The following SMAP1 variants were observed in gnomAD, a reference collection of about 807,000 sequenced individuals.
SMAP1 encodes stromal membrane-associated protein 1.
Under a neutral mutation model 58.5 loss-of-function variants are expected in SMAP1, and 24 were observed. That is an observed-to-expected ratio of 0.41 (90% CI 0.30 to 0.58). SMAP1 has a LOEUF of 0.58. Among genes scored for constraint, SMAP1 ranks in the 20% least tolerant of loss-of-function variants. The pLI, the probability that SMAP1 is intolerant of heterozygous loss-of-function variation, is 0.29. For missense variants in SMAP1, 563 were observed against 566.3 expected, an observed-to-expected ratio of 0.99 and a Z score of 0.06; for synonymous variants, 216 against 196.6, an observed-to-expected ratio of 1.10 and a Z score of -0.82.
chr6:70,710,331 A>T (rs1435743268), intron 1 of SMAP1, among the ~76,000 whole-genome samples: 2 of 151,900 alleles, frequency 1.3e-5, no homozygotes, highest in Non-Finnish European at 2.9e-5. Context: ...TCTCTACTAA[A>T]AATACAAAAA....
intron 5 of SMAP1, 142 bp from the exon 6 acceptor site, chr6:70,798,515 A>C (rs1391943981): frequency 3.5e-6 from 2 of 573,772 alleles, no homozygotes; most frequent in African/African-American, 1.9e-5. Context: ...TTTACTGTTT[A>C]TTATATTTCA....
intron 1 of SMAP1, among the ~76,000 whole-genome samples, chr6:70,689,377 G>A (rs979996413): frequency 1.3e-5 from 2 of 152,164 alleles, no homozygotes; most frequent in Non-Finnish European, 2.9e-5. Context: ...AATTGACCAT[G>A]TATGTCCAGG....
At chr6:70,834,648 A>G (rs1562193413) in intron 6 of SMAP1, among the ~76,000 whole-genome samples, 1 of 152,208 alleles carries the variant, frequency 6.6e-6, no homozygotes, top group African/African-American at 2.4e-5. Flanking sequence ...CACCCCAGGA[A>G]GCTGCTAGGA....
At chr6:70,836,409 C>T (rs949062645) in intron 6 of SMAP1, among the ~76,000 whole-genome samples, 1 of 152,088 alleles carries the variant, frequency 6.6e-6, no homozygotes, top group Non-Finnish European at 1.5e-5. Context: ...TCCCACAACA[C>T]ATGGGAATTA....
intron 4 of SMAP1, among the ~76,000 whole-genome samples, chr6:70,791,404 A>G (rs1468421033): frequency 1.3e-5 from 2 of 152,272 alleles, no homozygotes; most frequent in South Asian, 2.1e-4. Context: ...ATTATTTTCC[A>G]TATACTTTTG....
intron 3 of SMAP1, among the ~76,000 whole-genome samples, chr6:70,761,739 A>G (rs1202935544): frequency 1.3e-5 from 2 of 152,072 alleles, no homozygotes; most frequent in Middle Eastern, 3.2e-3. Flanking sequence ...TTTAGATACT[A>G]TTGGCTTATT....
chr6:70,742,777 A>T (rs1245366195), intron 2 of SMAP1, among the ~76,000 whole-genome samples: 2 of 152,238 alleles, frequency 1.3e-5, no homozygotes, highest in Non-Finnish European at 2.9e-5. Flanking sequence ...TAATGGACTC[A>T]CAGTTTCACA....
chr6:70,746,048 C>A (rs1281858592), intron 2 of SMAP1, among the ~76,000 whole-genome samples: 1 of 152,110 alleles, frequency 6.6e-6, no homozygotes, highest in Admixed American at 6.5e-5. Context: ...GCTGAAGTTG[C>A]TTATCATCTT....
At chr6:70,857,713 A>G (rs1771491242) in intron 9 of SMAP1, 1 of 568,050 alleles carries the variant, frequency 1.8e-6, no homozygotes, top group Admixed American at 3.2e-5. Context: ...AATTAAATTT[A>G]CTCAGGTTAA....
intron 6 of SMAP1, among the ~76,000 whole-genome samples, chr6:70,810,637 T>C (rs1235086578): frequency 1.3e-5 from 2 of 152,176 alleles, no homozygotes; most frequent in African/African-American, 4.8e-5. Flanking sequence ...AGGGCAGTGG[T>C]GTGATCATAG....
rs1217773182 is a variant in SMAP1, at chr6:70,755,381, G to T, written c.338+316G>T. On this transcript the variant is annotated intron_variant, in intron 3 of 10. Transcript: ENST00000370455. ...ATGGTGAGAAAGCAGTATGCGTTTG[G>T]TAGAAACTGTACTTTGAGTACTAGT... 1.3e-5 allele frequency among the ~76,000 whole-genome samples: 2 copies of T among 151,970 alleles called. 1 individual carries two copies. The highest frequency in any genetic ancestry group is 4.8e-5 in the African/African-American group (2 of 41,426).
At chr6:70,768,127 T>C (rs541138958) in intron 3 of SMAP1, among the ~76,000 whole-genome samples, 2 of 152,340 alleles carry the variant, frequency 1.3e-5, no homozygotes, top group East Asian at 1.9e-4. Context: ...GTTAAGTTTT[T>C]GATGTGCTGC....
At chr6:70,803,018 C>T (rs1562172177) in intron 6 of SMAP1, among the ~76,000 whole-genome samples, 1 of 152,178 alleles carries the variant, frequency 6.6e-6, no homozygotes, top group East Asian at 1.9e-4. Context: ...ATTCTGGCCT[C>T]ATAAAATGAG....
At chr6:70,705,992 T>C (rs897069039) in intron 1 of SMAP1, among the ~76,000 whole-genome samples, 10 of 152,128 alleles carry the variant, frequency 6.6e-5, no homozygotes, top group Non-Finnish European at 1.3e-4. Flanking sequence ...GTGTAAGGTA[T>C]GACAGTTTGG....
At chr6:70,708,101 C>G (rs941863731) in intron 1 of SMAP1, among the ~76,000 whole-genome samples, 43 of 152,128 alleles carry the variant, frequency 2.8e-4, no homozygotes, top group Non-Finnish European at 5.6e-4. Flanking sequence ...AATTTGTACC[C>G]TTTGACCTCC....
intron 4 of SMAP1, among the ~76,000 whole-genome samples, chr6:70,786,954 A>C (rs1768066387): frequency 1.3e-5 from 2 of 152,154 alleles, no homozygotes; most frequent in African/African-American, 4.8e-5. Flanking sequence ...AACTACTTTA[A>C]AGTTCATATG....
At chr6:70,682,170 A>ATTTTTTTTTTTTTTTTTTTTTT (rs66981900) in intron 1 of SMAP1, among the ~76,000 whole-genome samples, 1 of 95,920 alleles carries the variant, frequency 1.0e-5, no homozygotes, top group Non-Finnish European at 2.0e-5. Flanking sequence ...CTCTGCACAG[A>ATTTTTTTTTTTTTTTTTTTTTT]TTTTTTTTTT....
chr6:70,861,465 A>G lies in SMAP1; in HGVS notation c.*1131A>G. On this transcript the variant is annotated 3_prime_UTR_variant, in exon 11 of 11. Coordinates refer to ENST00000370455, the MANE Select transcript of SMAP1 (RefSeq NM_001044305.3). The stretch of plus-strand genomic sequence containing the variant: ...CATGCAGAACAAATGAAGACAAAAC[A>G]TACATTTTGTACCAACCATCCAATT... 1 of 577,008 alleles carries G rather than the reference A, an allele frequency of 1.7e-6. No individual in the cohort carries two copies. Among genetic ancestry groups the G allele is most frequent in the Non-Finnish European group, 3.1e-6 (1 of 324,278 alleles). 35.7% of individuals were successfully genotyped at this position (577,008 alleles called of 1,614,324 possible). A position where few individuals can be genotyped will look rare whatever the true frequency, so the allele number is the denominator to read the frequency against.
At chr6:70,822,696 A>G (rs1769941962) in intron 6 of SMAP1, among the ~76,000 whole-genome samples, 1 of 152,114 alleles carries the variant, frequency 6.6e-6, no homozygotes, top group South Asian at 2.1e-4. Flanking sequence ...ATCCAACATT[A>G]ATTTTGGGGA....
Sources: gnomAD v4.1 joint callset for allele counts (sites outside exome capture counted in the v4.1 genomes callset) on GRCh38, gnomAD v4.1.1 for gene constraint, MANE v1.5 for transcripts, NCBI Gene and HGNC (gene_info 2026-07-23, HGNC 2026-07-21) for gene names.